SAMD12: variants seen among roughly 807,000 people sequenced by gnomAD.
SAMD12 encodes the protein sterile alpha motif domain-containing protein 12.
SAMD12 carries 9 observed loss-of-function variants against 15.0 expected under a neutral mutation model. The ratio of observed to expected loss-of-function variants is 0.60; its 90% CI spans 0.36 to 1.05. The LOEUF is 1.05. Among genes scored for constraint, SAMD12 ranks in the 50% least tolerant of loss-of-function variants. The probability of loss-of-function intolerance (pLI) is 0.01; values close to 1 mark genes in which losing one functional copy is unlikely to be tolerated. For synonymous variants in SAMD12, 86 were observed against 90.1 expected, an observed-to-expected ratio of 0.96 and a Z score of 0.25; for missense variants, 230 against 234.2, an observed-to-expected ratio of 0.98 and a Z score of 0.12.
At chr8:118,533,424 G>T (rs183383245) in intron 2 of SAMD12, among the ~76,000 whole-genome samples, 9,242 of 152,242 alleles carry the variant, frequency 0.061, 340 homozygotes, top group South Asian at 0.13. Flanking sequence ...CTGTTGATTT[G>T]GGGTGGAGAG....
intron 4 of SAMD12, among the ~76,000 whole-genome samples, chr8:118,356,527 T>G (rs1818233829): frequency 2.0e-5 from 3 of 152,192 alleles, no homozygotes; most frequent in Admixed American, 1.3e-4. Context: ...ACTTTGAGCC[T>G]GCACTTTCAG....
the SAMD12 span, among the ~76,000 whole-genome samples, chr8:118,163,918 A>AAAACAAAAC: frequency 7.2e-6 from 1 of 139,504 alleles, no homozygotes; most frequent in Non-Finnish European, 1.6e-5. Context: ...CAAAACAAAA[A>AAAACAAAAC]AACAAACCTG....
At chr8:118,475,080 A>C (rs1020108171) in intron 2 of SAMD12, among the ~76,000 whole-genome samples, 2 of 152,152 alleles carry the variant, frequency 1.3e-5, no homozygotes, top group Non-Finnish European at 2.9e-5. Flanking sequence ...TCTACCAAAA[A>C]TACAAAAAAT....
intron 4 of SAMD12, among the ~76,000 whole-genome samples, chr8:118,333,722 A>G (rs1252171785): frequency 6.6e-6 from 1 of 152,134 alleles, no homozygotes; most frequent in Non-Finnish European, 1.5e-5. Flanking sequence ...ATTCTCCTCT[A>G]GCCTCCTCTT....
At chr8:118,374,884 C>T (rs1819302076), downstream of SAMD12, among the ~76,000 whole-genome samples, 1 of 149,582 alleles carries the variant, frequency 6.7e-6, no homozygotes, top group Admixed American at 6.8e-5. Flanking sequence ...ATATTAACCC[C>T]TTTTCAGATA....
At chr8:118,237,117 C>T (rs73318063) in intron 4 of SAMD12, among the ~76,000 whole-genome samples, 1 of 152,274 alleles carries the variant, frequency 6.6e-6, no homozygotes, top group African/African-American at 2.4e-5. Flanking sequence ...GTTAATTATT[C>T]CATTCAATCC....
intron 3 of SAMD12, among the ~76,000 whole-genome samples, chr8:118,429,804 G>T (rs1035279117): frequency 1.3e-5 from 2 of 152,164 alleles, no homozygotes; most frequent in Non-Finnish European, 2.9e-5. Context: ...TGAGGAAGGA[G>T]AATCGCTTGA....
chr8:118,269,981 C>G (rs1210854047), intron 4 of SAMD12, among the ~76,000 whole-genome samples: 1 of 152,142 alleles, frequency 6.6e-6, no homozygotes, highest in Non-Finnish European at 1.5e-5. Context: ...CTGGGGTCAG[C>G]AGACATATTT....
chr8:118,383,653 C>T lies in SAMD12; in HGVS notation c.323-3953G>A, dbSNP rs142984340. ...CTCAATCTCAAACAAGAAGCACCAA[C>T]TGAATTGCCTGATACCATCAAACTT... On this transcript the variant is annotated intron_variant, in intron 3 of 3. Coordinates refer to ENST00000314727, the MANE Select transcript of SAMD12 (RefSeq NM_207506.3). Among the ~76,000 whole-genome samples, 1,087 of 152,226 alleles carry T rather than the reference C, an allele frequency of 7.1e-3. 3 individuals are homozygous for T. Among genetic ancestry groups the T allele is most frequent in the Non-Finnish European group, 0.011 (752 of 68,028 alleles).
At chr8:118,428,414 G>GAAAGAAAAGAAAAGA (rs60190865) in intron 3 of SAMD12, among the ~76,000 whole-genome samples, 40 of 149,960 alleles carry the variant, frequency 2.7e-4, no homozygotes, top group South Asian at 6.4e-4. Context: ...CAATAACAAA[G>GAAAGAAAAGAAAAGA]AAAGAAAAGA....
At chr8:118,280,332 A>T (rs1414185374) in intron 4 of SAMD12, among the ~76,000 whole-genome samples, 2 of 152,154 alleles carry the variant, frequency 1.3e-5, no homozygotes, top group Admixed American at 1.3e-4. Flanking sequence ...CAATTTGGAG[A>T]GGAGCACAGT....
intron 2 of SAMD12, among the ~76,000 whole-genome samples, chr8:118,556,865 G>A (rs1019508312): frequency 2.0e-5 from 3 of 152,080 alleles, no homozygotes; most frequent in Admixed American, 2.0e-4. Flanking sequence ...TTGGGAGGAT[G>A]AGGCAGGAGA....
chr8:118,269,403 C>T (rs1415793712), intron 4 of SAMD12, among the ~76,000 whole-genome samples: 1 of 152,090 alleles, frequency 6.6e-6, no homozygotes, highest in African/African-American at 2.4e-5. Context: ...CAATAACCAA[C>T]ATGTTTATTT....
At chr8:118,337,976 G>T (rs1316013934) in intron 4 of SAMD12, among the ~76,000 whole-genome samples, 2 of 152,200 alleles carry the variant, frequency 1.3e-5, no homozygotes, top group Admixed American at 6.5e-5. Context: ...TACATAGGAT[G>T]CCAGTTTAAG....
At chr8:118,593,768 C>A (rs554739089) in intron 1 of SAMD12, among the ~76,000 whole-genome samples, 1 of 152,046 alleles carries the variant, frequency 6.6e-6, no homozygotes, top group Non-Finnish European at 1.5e-5. Context: ...TCAGAAATTA[C>A]GTCGGAAAAT....
At chr8:118,134,803 A>G in the SAMD12 span, among the ~76,000 whole-genome samples, 1 of 152,174 alleles carries the variant, frequency 6.6e-6, no homozygotes, top group Non-Finnish European at 1.5e-5. Flanking sequence ...AGCGAAGTGC[A>G]TACTCGCCTT....
At chr8:118,403,510 TAAA>T (rs201366783) in intron 3 of SAMD12, among the ~76,000 whole-genome samples, 1 of 151,732 alleles carries the variant, frequency 6.6e-6, no homozygotes, top group African/African-American at 2.4e-5. Flanking sequence ...GTTTCTAAAA[TAAA>T]AAAAATTATA....
chr8:118,515,942 A>G (rs932416527), intron 2 of SAMD12, among the ~76,000 whole-genome samples: 5 of 152,184 alleles, frequency 3.3e-5, no homozygotes, highest in Admixed American at 6.5e-5. Flanking sequence ...TTAAATGATG[A>G]ATTCTTCTCT....
At chr8:118,458,925 C>G (rs1029949619) in intron 2 of SAMD12, among the ~76,000 whole-genome samples, 1 of 149,286 alleles carries the variant, frequency 6.7e-6, no homozygotes, top group Non-Finnish European at 1.5e-5. Flanking sequence ...TTGTTCAAAG[C>G]AAATAGTAAA....
Sources: gnomAD v4.1 joint callset for allele counts (sites outside exome capture counted in the v4.1 genomes callset) on GRCh38, gnomAD v4.1.1 for gene constraint, MANE v1.5 for transcripts, NCBI Gene and HGNC (gene_info 2026-07-23, HGNC 2026-07-21) for gene names.